The following HDAC9 variants were observed in gnomAD, a reference collection of about 807,000 sequenced individuals.
HDAC9 encodes histone deacetylase 9, also known as MEF-2 interacting transcription repressor (MITR) protein.
Under a neutral mutation model 139.4 loss-of-function variants are expected in HDAC9, and 41 were observed. That is an observed-to-expected ratio of 0.29 (90% CI 0.23 to 0.38). The LOEUF (loss-of-function observed/expected upper bound fraction) is 0.38. HDAC9 is among the 10% of genes least tolerant of loss of function. The probability of loss-of-function intolerance (pLI) is 1.00; values close to 1 mark genes in which losing one functional copy is unlikely to be tolerated. For synonymous variants in HDAC9, 517 were observed against 476.2 expected, an observed-to-expected ratio of 1.09 and a Z score of -1.12; for missense variants, 1,147 against 1,297.0, an observed-to-expected ratio of 0.88 and a Z score of 1.78.
At chr7:18,605,876 T>A (rs2128890385) in intron 6 of HDAC9, among the ~76,000 whole-genome samples, 1 of 151,948 alleles carries the variant, frequency 6.6e-6, no homozygotes, top group South Asian at 2.1e-4. Context: ...GAGATGGGAT[T>A]TCATCGTGTT....
intron 1 of HDAC9, among the ~76,000 whole-genome samples, chr7:18,408,621 T>C (rs1453747994): frequency 6.6e-6 from 1 of 152,214 alleles, no homozygotes; most frequent in Non-Finnish European, 1.5e-5. Context: ...TTGACACTAA[T>C]GGGCCGTTTA....
intron 17 of HDAC9, among the ~76,000 whole-genome samples, chr7:18,818,723 C>G (rs779868120): frequency 2.6e-5 from 4 of 152,154 alleles, no homozygotes; most frequent in African/African-American, 9.7e-5. Flanking sequence ...TGTGTTCTTA[C>G]TCTCATCAGT....
chr7:18,333,302 C>T (rs1379325550), intron 1 of HDAC9, among the ~76,000 whole-genome samples: 1 of 151,286 alleles, frequency 6.6e-6, no homozygotes, highest in African/African-American at 2.4e-5. Context: ...TACAAAATAG[C>T]ACATGTGTTG....
chr7:18,467,425 T>A (rs372314784), intron 1 of HDAC9, among the ~76,000 whole-genome samples: 14 of 152,194 alleles, frequency 9.2e-5, no homozygotes, highest in African/African-American at 3.1e-4. Context: ...GAAACAACTC[T>A]TGTTGTTTTT....
intron 1 of HDAC9, among the ~76,000 whole-genome samples, chr7:18,365,834 G>A (rs1784135012): frequency 6.6e-6 from 1 of 151,874 alleles, no homozygotes; most frequent in Admixed American, 6.6e-5. Flanking sequence ...AATATTAGTA[G>A]TAATAATAAC....
intron 2 of HDAC9, among the ~76,000 whole-genome samples, chr7:18,510,520 A>C (rs1801174658): frequency 6.6e-6 from 1 of 152,100 alleles, no homozygotes; most frequent in Admixed American, 6.6e-5. Flanking sequence ...AGGGGCAAAA[A>C]TAGGTGGATT....
chr7:18,584,440 T>G (rs1478790282), intron 2 of HDAC9, among the ~76,000 whole-genome samples: 1 of 152,214 alleles, frequency 6.6e-6, no homozygotes, highest in Non-Finnish European at 1.5e-5. Context: ...GAAAGCAGCA[T>G]TCTTATCTAC....
rs182691440 is a variant in HDAC9, at chr7:18,788,031, T to C, written c.2215-5314T>C. ...AGGGAGGGATGGAGAGCTGAAGGGG[T>C]ACCTGGATCCTCCTGCTGTCCTCTG... On this transcript the variant is annotated intron_variant, in intron 16 of 25. Transcript: ENST00000686413. Among the ~76,000 whole-genome samples, 3 of 152,296 alleles carry C rather than the reference T, an allele frequency of 2.0e-5. No individual in the cohort carries two copies. In the East Asian group the frequency reaches 5.8e-4, roughly 29 times the overall value.
intron 1 of HDAC9, among the ~76,000 whole-genome samples, chr7:18,409,867 T>G (rs1422569498): frequency 6.6e-6 from 1 of 152,212 alleles, no homozygotes; most frequent in African/African-American, 2.4e-5. Context: ...CCGAAAATCT[T>G]AGAAGTAGAT....
At chr7:18,531,629 T>C (rs1324997862) in intron 2 of HDAC9, among the ~76,000 whole-genome samples, 1 of 151,956 alleles carries the variant, frequency 6.6e-6, no homozygotes, top group Non-Finnish European at 1.5e-5. Flanking sequence ...ATAGACAAAA[T>C]ACTGGATTTC....
chr7:18,136,816 A>G (rs1317582438), intron 1 of HDAC9, among the ~76,000 whole-genome samples: 1 of 151,586 alleles, frequency 6.6e-6, no homozygotes, highest in Non-Finnish European at 1.5e-5. Flanking sequence ...TGAACTTTAA[A>G]GTAGTTTTTT....
intron 2 of HDAC9, chr7:18,162,533 C>A: frequency 1.7e-6 from 1 of 593,298 alleles, no homozygotes; most frequent in East Asian, 2.8e-5. Context: ...ACCCAGTTTG[C>A]TTCCTGGACA....
In HDAC9 at chr7:18,666,326, C is replaced by T; in HGVS notation, c.1581C>T (p.Gly527=). 1 of 1,613,382 alleles carries T rather than the reference C, an allele frequency of 6.2e-7. No individual in the cohort carries two copies. Among genetic ancestry groups the T allele is most frequent in the Non-Finnish European group, 8.5e-7 (1 of 1,179,608 alleles). The change falls in exon 12 of 26, where the codon GGC becomes GGT. Residue 527 remains glycine, a synonymous_variant. Transcript: ENST00000686413. ...AGGAAGACAGAGCGCCCTCTAGTGG[C>T]AACAGCACTAGGAGCGACAGCAGTG... The part of the protein sequence containing the change: ...AMQEDRAPSS[G]NSTRSDSSAC...
At chr7:18,225,725 A>G (rs1212469961) in intron 2 of HDAC9, among the ~76,000 whole-genome samples, 1 of 152,122 alleles carries the variant, frequency 6.6e-6, no homozygotes, top group East Asian at 1.9e-4. Context: ...TTTCTATTAT[A>G]TGATTTATAT....
chr7:18,526,444 C>T (rs1279911956), intron 2 of HDAC9, among the ~76,000 whole-genome samples: 2 of 152,112 alleles, frequency 1.3e-5, no homozygotes, highest in Non-Finnish European at 2.9e-5. Context: ...TGACACTGTG[C>T]CTTTATTACT....
In HDAC9 at chr7:18,999,611, G is replaced by A. The variant is rs1201178751; in HGVS notation, c.*3549G>A. 6.6e-6 allele frequency: 1 copy of A among 152,110 alleles called. No individual in the cohort carries two copies. The highest frequency in any genetic ancestry group is 1.5e-5 in the Non-Finnish European group (1 of 68,046). The allele number at this position is 152,110 out of a possible 1,614,324, so 9.4% of individuals were successfully genotyped here. A position where few individuals can be genotyped will look rare whatever the true frequency, so the allele number is the denominator to read the frequency against. On this transcript the variant is annotated 3_prime_UTR_variant, in exon 26 of 26. Transcript: ENST00000686413. Reference sequence around the variant, plus strand: ...GCGCCACCACGTCTGGCTAATTTTTGTATTTTTAGTAGAGACGGGGTTTCT... The same window carrying A: ...GCGCCACCACGTCTGGCTAATTTTTATATTTTTAGTAGAGACGGGGTTTCT...
intron 12 of HDAC9, among the ~76,000 whole-genome samples, chr7:18,673,861 G>C (rs1408774339): frequency 6.6e-6 from 1 of 151,944 alleles, no homozygotes; most frequent in East Asian, 1.9e-4. Flanking sequence ...ATGGTTTAAG[G>C]GTTTAAAGAT....
intron 11 of HDAC9, among the ~76,000 whole-genome samples, chr7:18,662,262 A>G (rs1793418986): frequency 6.6e-6 from 1 of 152,076 alleles, no homozygotes; most frequent in Non-Finnish European, 1.5e-5. Flanking sequence ...TGGATTTGGC[A>G]TTATTGCAGT....
Position 18,719,331 on chromosome 7 carries a change from C to CTTTTTTTTTTTT in HDAC9, c.1732-8234_1732-8223dup, listed in dbSNP as rs757689693. 8.9e-4 allele frequency among the ~76,000 whole-genome samples: 66 copies of CTTTTTTTTTTTT among 73,912 alleles called. 6 individuals are homozygous for CTTTTTTTTTTTT. Among genetic ancestry groups the CTTTTTTTTTTTT allele is most frequent in the Non-Finnish European group, 1.1e-3 (46 of 40,982 alleles). 48.5% of individuals were successfully genotyped at this position (73,912 alleles called of 152,430 possible). On this transcript the variant is annotated intron_variant, in intron 12 of 25. Transcript: ENST00000686413. Reference sequence around the variant, plus strand: ...CTAATTAACCTATTTTTTTCTCTTCCTTTTTTTTTTTTTTTTTTTTTTTTT... The same window carrying CTTTTTTTTTTTT: ...CTAATTAACCTATTTTTTTCTCTTCCTTTTTTTTTTTTTTTTTTTTTTTTTTTTTTTTTTTTT...
Sources: allele counts gnomAD v4.1 joint callset (sites outside exome capture counted in the v4.1 genomes callset), GRCh38; gene constraint gnomAD v4.1.1; transcripts MANE v1.5; gene names NCBI Gene and HGNC (gene_info 2026-07-23, HGNC 2026-07-21).